PPFIA4: variants seen among roughly 807,000 people sequenced by gnomAD.
PPFIA4 encodes PPFI scaffold protein A4, also known as liprin-alpha-4.
Under a neutral mutation model 145.7 loss-of-function variants are expected in PPFIA4, and 98 were observed. The ratio of observed to expected loss-of-function variants is 0.67; its 90% CI spans 0.57 to 0.80. The LOEUF (loss-of-function observed/expected upper bound fraction) is 0.80. Ranked by LOEUF, PPFIA4 falls within the 30% of genes least tolerant of loss-of-function variation. PPFIA4 has a pLI of 0.00. For missense variants in PPFIA4, 1,457 were observed against 1,632.7 expected (o/e 0.89, Z 1.85); for synonymous variants, 628 against 649.6 (o/e 0.97, Z 0.51).
In PPFIA4 at chr1:203,056,792, A is replaced by C; in HGVS notation, c.2249A>C (p.Glu750Ala). 6.2e-7 allele frequency: 1 copy of C among 1,607,022 alleles called. No individual in the cohort carries two copies. The highest frequency in any genetic ancestry group is 8.5e-7 in the Non-Finnish European group (1 of 1,175,280). The change falls in exon 19 of 30, where the codon GAG becomes GCG. Residue 750 changes from glutamate to alanine, a missense_variant. Physicochemically the swap from Glu to Ala is moderately radical, Grantham distance 107. This residue lies in a region of PPFIA4 where 848 missense variants were observed against 1,046.7 expected (regional missense o/e 0.81). Transcript: ENST00000295706. ...TGGCTGTCACCCTGTAGTGCCTTGGAGGATCAGGGCAGCAACCCCAGCAGC... is the reference window on the plus strand; with the variant it reads ...TGGCTGTCACCCTGTAGTGCCTTGGCGGATCAGGGCAGCAACCCCAGCAGC... The part of the protein sequence containing the change: ...LSQEEGKSAL[E>A]DQGSNPSSSN...
chr1:203,040,837 CAG>C (rs963774913), intron 2 of PPFIA4, among the ~76,000 whole-genome samples: 71 of 152,324 alleles, frequency 4.7e-4, no homozygotes, highest in African/African-American at 1.7e-3. Context: ...ATACAGCTAA[CAG>C]GGGCAGAGCT....
intron 25 of PPFIA4, among the ~76,000 whole-genome samples, 188 bp downstream of exon 25, chr1:203,064,191 C>T (rs1661581673): frequency 6.6e-6 from 1 of 152,202 alleles, no homozygotes; most frequent in African/African-American, 2.4e-5. Flanking sequence ...GGATTCGATC[C>T]TCAGATTGAC....
At chr1:203,029,283 AGTC>A (rs1658654331) in intron 1 of PPFIA4, among the ~76,000 whole-genome samples, 1 of 152,198 alleles carries the variant, frequency 6.6e-6, no homozygotes. Flanking sequence ...CCCCAGGTGA[AGTC>A]AGCTGTAGCG....
rs1189449142 is a variant in PPFIA4 at position 203,061,636 on chromosome 1, C to T, written c.2848-16C>T. 6.4e-7 allele frequency: 1 copy of T among 1,561,490 alleles called. No individual in the cohort carries two copies. The highest frequency in any genetic ancestry group is 8.7e-7 in the Non-Finnish European group (1 of 1,152,696). ...TTTGCCTGTTTCCCCTAACACGCTG[C>T]ACTCGTTCCTGCTAGGACAGTGAGG... On this transcript the variant is annotated splice_polypyrimidine_tract_variant and intron_variant, in intron 23 of 29. Coordinates refer to ENST00000295706, the MANE Select transcript of PPFIA4 (RefSeq NM_001304331.2).
At chr1:203,053,589 A>C in intron 14 of PPFIA4, 164 bp from the exon 15 acceptor site, 1 of 630,820 alleles carries the variant, frequency 1.6e-6, no homozygotes, top group Non-Finnish European at 2.7e-6. Flanking sequence ...GTCTTGTTAA[A>C]ATGCAGATGT....
intron 1 of PPFIA4, among the ~76,000 whole-genome samples, chr1:203,031,078 T>A (rs1658793963): frequency 6.6e-6 from 1 of 152,124 alleles, no homozygotes; most frequent in South Asian, 2.1e-4. Flanking sequence ...GGTCCCCTTT[T>A]CCCCTCTCTC....
chr1:203,078,181 G>A lies in PPFIA4; in HGVS notation c.*1791G>A, dbSNP rs190156581. ...TGTTCCCTGGCCTCCCTGCCATCAG[G>A]TTGCTGGGAGTGGAGATGGAGGGAT... On this transcript the variant is annotated 3_prime_UTR_variant, in exon 30 of 30. Transcript: ENST00000295706. 2.2e-4 allele frequency: 33 copies of A among 152,460 alleles called. No individual in the cohort carries two copies. In the East Asian group the frequency reaches 2.5e-3, roughly 12 times the overall value. The allele number at this position is 152,460 out of a possible 1,614,324, so 9.4% of individuals were successfully genotyped here.
chr1:203,061,282 T>C (rs990951776), intron 23 of PPFIA4: 2 of 571,230 alleles, frequency 3.5e-6, no homozygotes, highest in Admixed American at 6.4e-5. Flanking sequence ...ACTGGTGTGC[T>C]ACAGCGGAGG....
chr1:203,027,269 T>G lies in PPFIA4; in HGVS notation c.-400+640T>G, dbSNP rs1201845813. Among the ~76,000 whole-genome samples, 4 of 151,946 alleles carry G rather than the reference T, an allele frequency of 2.6e-5. No individual in the cohort carries two copies. In the East Asian group the frequency reaches 7.7e-4, roughly 29 times the overall value. ...AAAAGAGGGCTGGAATAGAGATGCC[T>G]GAACTGGGAGGGTGGGAGTGGGGCG... On this transcript the variant is annotated intron_variant, in intron 1 of 29. Transcript: ENST00000295706.
At chr1:203,057,934 G>C (rs946017577) in intron 19 of PPFIA4, among the ~76,000 whole-genome samples, 2 of 152,116 alleles carry the variant, frequency 1.3e-5, no homozygotes, top group Admixed American at 6.5e-5. Flanking sequence ...GTGAGAGGTT[G>C]GTATGTACTT....
intron 2 of PPFIA4, 138 bp downstream of exon 2, chr1:203,039,380 C>G: frequency 1.5e-6 from 1 of 651,422 alleles, no homozygotes. Flanking sequence ...TCCTTCATCT[C>G]TCTACGTGAA....
chr1:203,059,901 T>C (rs1335512685), intron 21 of PPFIA4, 50 bp downstream of exon 21: 1 of 1,462,300 alleles, frequency 6.8e-7, no homozygotes, highest in Non-Finnish European at 9.5e-7. Context: ...GGAAGGATGC[T>C]TGGGGTGGGC....
At chr1:203,054,691 CACACACACACAT>C (rs1156963678) in intron 15 of PPFIA4, among the ~76,000 whole-genome samples, 7 of 151,924 alleles carry the variant, frequency 4.6e-5, no homozygotes, top group African/African-American at 1.7e-4. Context: ...CACACACACA[CACACACACACAT>C]ACACACACAG....
rs535461960 is a variant in PPFIA4, at chr1:203,060,096, T to C, written c.2584-121T>C. 46 of 954,314 alleles carry C rather than the reference T, an allele frequency of 4.8e-5. No homozygotes were observed. The highest frequency in any genetic ancestry group is 7.0e-5 in the Non-Finnish European group (44 of 626,348). 59.1% of individuals were successfully genotyped at this position (954,314 alleles called of 1,614,324 possible). ...AGGGGTTTGATGACCGCCACATTCC[T>C]ATGATCTGTATTTGCTATTCGAGTC... is the stretch of plus-strand genomic sequence containing the variant. On this transcript the variant is annotated intron_variant, in intron 21 of 29. Coordinates refer to ENST00000295706, the MANE Select transcript of PPFIA4 (RefSeq NM_001304331.2). This position sits in a 1 kb window ranked among gnomAD's most constrained non-coding sequence, Gnocchi z 4.8.
intron 13 of PPFIA4, chr1:203,051,125 G>A: frequency 1.0e-5 from 10 of 985,278 alleles, no homozygotes; most frequent in Non-Finnish European, 1.2e-5. Flanking sequence ...AGATATTCCA[G>A]GGGATTGTTG....
rs1363911908 is a variant in PPFIA4 at position 203,076,505 on chromosome 1, G to T, written c.*115G>T. On this transcript the variant is annotated 3_prime_UTR_variant, in exon 30 of 30. Transcript: ENST00000295706. ...CTCCTAGTCTCGTCCGTGACTTTCC[G>T]GTTGCCCTGGATCTCAGAATATATT... The T allele has an allele frequency of 2.8e-6, 3 of 1,074,062 alleles. No homozygotes were observed. The highest frequency in any genetic ancestry group is 3.1e-5 in the African/African-American group (2 of 64,326). The allele number at this position is 1,074,062 out of a possible 1,614,324, so 66.5% of individuals were successfully genotyped here. A position where few individuals can be genotyped will look rare whatever the true frequency, so the allele number is the denominator to read the frequency against.
At chr1:203,038,423 G>C (rs981262089) in intron 1 of PPFIA4, among the ~76,000 whole-genome samples, 187 bp from the exon 2 acceptor site, 2 of 152,220 alleles carry the variant, frequency 1.3e-5, no homozygotes, top group African/African-American at 4.8e-5. Flanking sequence ...TGGGCAGTAG[G>C]CATGTGCATT....
intron 14 of PPFIA4, among the ~76,000 whole-genome samples, chr1:203,053,000 G>A (rs979015476): frequency 1.3e-5 from 2 of 152,248 alleles, no homozygotes; most frequent in Non-Finnish European, 2.9e-5. Flanking sequence ...GCCAGGCACA[G>A]TGCTAAGGGC....
chr1:203,029,256 T>C (rs782790), intron 1 of PPFIA4, among the ~76,000 whole-genome samples: 54,688 of 152,088 alleles, frequency 0.36, 10,628 homozygotes, highest in Middle Eastern at 0.49. Context: ...CGGGGCCTCC[T>C]TGAGGTGTCT....
Sources: allele counts gnomAD v4.1 joint callset (sites outside exome capture counted in the v4.1 genomes callset), GRCh38; gene constraint gnomAD v4.1.1; regional missense constraint gnomAD v4.1.1; non-coding constraint Gnocchi (gnomAD v3.1); transcripts MANE v1.5; gene names NCBI Gene and HGNC (gene_info 2026-07-23, HGNC 2026-07-21).